RPS4Y1: variants seen among roughly 807,000 people sequenced by gnomAD.
RPS4Y1 encodes ribosomal protein S4 Y-linked 1.
For synonymous variants in RPS4Y1, 23 were observed against 20.8 expected (o/e 1.10, Z -0.28); for missense variants, 30 against 60.9 (o/e 0.49, Z 1.69).
intron 1 of RPS4Y1, 37 bp from the exon 2 acceptor site, chrY:2,842,128 C>T: frequency 2.6e-6 from 1 of 381,471 alleles, no homozygotes; most frequent in South Asian, 3.0e-5. Flanking sequence ...TCACTGTCAG[C>T]GGAAACTAAT....
chrY:2,848,402 C>A (rs2051154042), intron 4 of RPS4Y1, among the ~76,000 whole-genome samples: 1 of 33,281 alleles, frequency 3.0e-5, no homozygotes, highest in Non-Finnish European at 7.4e-5. Flanking sequence ...AGATCTGTTT[C>A]TGAGGGAGGC....
intron 2 of RPS4Y1, 25 bp downstream of exon 2, chrY:2,842,267 G>T (rs372821274): frequency 1.1e-3 from 357 of 337,577 alleles, no homozygotes; most frequent in South Asian, 2.8e-3. Context: ...GTTTTTTGTG[G>T]TTTTTTTTTG....
intron 5 of RPS4Y1, among the ~76,000 whole-genome samples, chrY:2,862,232 T>C (rs1603309218): frequency 3.0e-5 from 1 of 32,792 alleles, no homozygotes; most frequent in South Asian, 6.9e-4. Context: ...TCCACTGCAG[T>C]AGAAAATTTT....
At chrY:2,846,413 C>T in intron 4 of RPS4Y1, among the ~76,000 whole-genome samples, 1 of 33,899 alleles carries the variant, frequency 2.9e-5, no homozygotes, top group African/African-American at 1.2e-4. Context: ...TTGTTTTTCA[C>T]ATGACCCAAT....
intron 2 of RPS4Y1, 87 bp from the exon 3 acceptor site, chrY:2,843,990 G>T: frequency 1.4e-5 from 4 of 282,222 alleles, no homozygotes; most frequent in Non-Finnish European, 2.2e-5. Context: ...CTGAACTTAT[G>T]CAGAACTAAA....
chrY:2,856,475 C>T, intron 5 of RPS4Y1, among the ~76,000 whole-genome samples: 2 of 33,754 alleles, frequency 5.9e-5, no homozygotes, highest in Non-Finnish European at 1.5e-4. Flanking sequence ...TTCTTATCTC[C>T]AATGAAATGA....
At chrY:2,857,104 G>A in intron 5 of RPS4Y1, among the ~76,000 whole-genome samples, 1 of 32,599 alleles carries the variant, frequency 3.1e-5, no homozygotes, top group African/African-American at 1.2e-4. Flanking sequence ...AAAAAGATAC[G>A]TCAGAGATTT....
chrY:2,865,239 T>G lies in RPS4Y1; in HGVS notation c.684T>G (p.Ile228Met). The change falls in exon 6 of 7, where the codon ATT (isoleucine) becomes ATG (methionine). Residue 228 changes from isoleucine (I) to methionine (M), a missense_variant. By Grantham distance (10) the Ile-to-Met change is conservative (BLOSUM62 1). Transcript: ENST00000250784. ...CGAGGCTTTCCAACATTTTTGTCATTGGCAATGTAAGACTTACACTCTCTT... is the reference window on the plus strand; with the variant it reads ...CGAGGCTTTCCAACATTTTTGTCATGGGCAATGTAAGACTTACACTCTCTT... ...FATRLSNIFV[I>M]GNGNKPWISL... 2.5e-6 allele frequency: 1 copy of G among 395,253 alleles called. No individual in the cohort carries two copies. The highest frequency in any genetic ancestry group is 6.4e-5 in the African/African-American group (1 of 15,547).
At chrY:2,858,838 T>C (rs899211409) in intron 5 of RPS4Y1, among the ~76,000 whole-genome samples, 1 of 33,851 alleles carries the variant, frequency 3.0e-5, no homozygotes, top group Admixed American at 2.6e-4. Context: ...TTTTAAAATA[T>C]CAACCCTTAG....
At chrY:2,866,425 C>G in intron 6 of RPS4Y1, among the ~76,000 whole-genome samples, 2 of 34,143 alleles carry the variant, frequency 5.9e-5, no homozygotes, top group Non-Finnish European at 7.3e-5. Context: ...TGTAAAAGTT[C>G]TGTAAAGCTG....
At chrY:2,858,160 A>G in intron 5 of RPS4Y1, among the ~76,000 whole-genome samples, 1 of 31,816 alleles carries the variant, frequency 3.1e-5, no homozygotes, top group Non-Finnish European at 7.6e-5. Context: ...TGTGATGAGT[A>G]GAGATGTTGA....
At chrY:2,846,617 C>A in intron 4 of RPS4Y1, among the ~76,000 whole-genome samples, 1 of 33,680 alleles carries the variant, frequency 3.0e-5, no homozygotes, top group Non-Finnish European at 7.3e-5. Context: ...CTTATTTGGT[C>A]GTGTCCCTTG....
At chrY:2,858,981 G>A (rs1019452616) in intron 5 of RPS4Y1, among the ~76,000 whole-genome samples, 4 of 32,835 alleles carry the variant, frequency 1.2e-4, no homozygotes, top group Admixed American at 1.1e-3. Flanking sequence ...ATTCATTTGA[G>A]GTCTTTCTTC....
Position 2,866,880 on chromosome Y carries a change from C to G in RPS4Y1, c.778C>G (p.Gln260Glu). The change falls in exon 7 of 7, where the codon CAG becomes GAG. Residue 260 changes from glutamine to glutamate, a missense_variant. Gln to Glu is a conservative substitution (Grantham distance 29). Coordinates refer to ENST00000250784, the MANE Select transcript of RPS4Y1 (RefSeq NM_001008.4). ...EERDKRLATKQSSG is the reference protein window; with the variant it reads ...EERDKRLATKESSG ...GAGAGATAAGAGGCTGGCCACCAAACAGAGCAGTGGCTAAATTGCAGTAGC... is the reference window on the plus strand; with the variant it reads ...GAGAGATAAGAGGCTGGCCACCAAAGAGAGCAGTGGCTAAATTGCAGTAGC... The G allele has an allele frequency of 2.6e-6, 1 of 382,766 alleles. No individual in the cohort carries two copies. The highest frequency in any genetic ancestry group is 6.0e-4 in the Middle Eastern group (1 of 1,668).
intron 5 of RPS4Y1, among the ~76,000 whole-genome samples, chrY:2,862,647 A>G (rs2051164456): frequency 3.0e-5 from 1 of 33,653 alleles, no homozygotes; most frequent in South Asian, 6.6e-4. Flanking sequence ...GGTTTGTGCT[A>G]TGTTGAGGGT....
chrY:2,855,579 C>G lies in RPS4Y1; in HGVS notation c.532+808C>G, dbSNP rs543131696. ...TGTCTGATTGTTTGACCACTATGAC[C>G]TTGTACCTGTGCTGCCTGCACTTCT... is the stretch of plus-strand genomic sequence containing the variant. On this transcript the variant is annotated intron_variant, in intron 5 of 6. Coordinates refer to ENST00000250784, the MANE Select transcript of RPS4Y1 (RefSeq NM_001008.4). Among the ~76,000 whole-genome samples the G allele has an allele frequency of 6.0e-3, 204 of 33,771 alleles. No homozygotes were observed. In the Middle Eastern group the frequency reaches 0.23, roughly 38 times the overall value. The allele number at this position is 33,771 out of a possible 37,273, so 90.6% of individuals were successfully genotyped here.
chrY:2,844,350 G>T, intron 3 of RPS4Y1, 93 bp downstream of exon 3: 2 of 221,544 alleles, frequency 9.0e-6, no homozygotes, highest in Non-Finnish European at 1.6e-5. Flanking sequence ...GATAAAACTG[G>T]ACACTGAACT....
chrY:2,843,346 G>T (rs2051150496), intron 2 of RPS4Y1, among the ~76,000 whole-genome samples: 2 of 33,389 alleles, frequency 6.0e-5, no homozygotes, highest in Non-Finnish European at 1.5e-4. Context: ...GTTAATGATC[G>T]CGAGTCCGTT....
At chrY:2,854,985 T>C (rs1053809084) in intron 5 of RPS4Y1, among the ~76,000 whole-genome samples, 1 of 33,510 alleles carries the variant, frequency 3.0e-5, no homozygotes, top group Non-Finnish European at 7.4e-5. Flanking sequence ...CTTTGGGCTA[T>C]CTCCAGTAGC....
Sources: allele counts gnomAD v4.1 joint callset (sites outside exome capture counted in the v4.1 genomes callset), GRCh38; gene constraint gnomAD v4.1.1; transcripts MANE v1.5; gene names NCBI Gene and HGNC (gene_info 2026-07-23, HGNC 2026-07-21).